SNX29: variants seen among roughly 807,000 people sequenced by gnomAD.
SNX29 encodes the protein sorting nexin-29.
In SNX29, 78 loss-of-function variants were observed where a neutral mutation model predicts 102.1. The ratio of observed to expected loss-of-function variants is 0.76; its 90% confidence interval spans 0.64 to 0.92. The LOEUF is 0.92. Ranked by LOEUF, SNX29 falls within the 40% of genes least tolerant of loss-of-function variation. The pLI, the probability that SNX29 is intolerant of heterozygous loss-of-function variation, is 0.00. For missense variants in SNX29, 1,280 were observed against 1,061.7 expected (o/e 1.21, Z -2.86); for synonymous variants, 580 against 414.5 (o/e 1.40, Z -4.85).
At chr16:12,387,961 CAGAG>C (rs1346278750) in intron 16 of SNX29, among the ~76,000 whole-genome samples, 1 of 152,162 alleles carries the variant, frequency 6.6e-6, no homozygotes, top group Non-Finnish European at 1.5e-5. Flanking sequence ...TAGCAGCAAA[CAGAG>C]AGCCTCTTCA....
chr16:12,228,085 G>A (rs562992458), intron 14 of SNX29, among the ~76,000 whole-genome samples: 1 of 152,180 alleles, frequency 6.6e-6, no homozygotes, highest in Non-Finnish European at 1.5e-5. Context: ...AGACCAGACT[G>A]GGCAACACAG....
chr16:12,539,324 C>T (rs985740180), intron 20 of SNX29, among the ~76,000 whole-genome samples: 2 of 151,738 alleles, frequency 1.3e-5, no homozygotes, highest in Non-Finnish European at 2.9e-5. Context: ...CTAGTTTTGT[C>T]TTTTCAAGAA....
intron 20 of SNX29, among the ~76,000 whole-genome samples, chr16:12,558,469 C>T (rs1025659970): frequency 2.0e-5 from 3 of 152,192 alleles, no homozygotes; most frequent in Non-Finnish European, 4.4e-5. Flanking sequence ...TAATGCCATC[C>T]TTTAAAGTTA....
At chr16:12,069,891 C>T (rs999862445) in intron 10 of SNX29, among the ~76,000 whole-genome samples, 17 of 151,108 alleles carry the variant, frequency 1.1e-4, no homozygotes, top group Non-Finnish European at 1.0e-4. Context: ...GGGGTTTCAC[C>T]GTGGTCTCGA....
chr16:12,342,187 T>A (rs553325792), intron 15 of SNX29, among the ~76,000 whole-genome samples: 1 of 152,338 alleles, frequency 6.6e-6, no homozygotes, highest in Admixed American at 6.5e-5. Context: ...GCGTATATCA[T>A]GGGGATATGA....
At chr16:12,240,012 T>C (rs2078053961) in intron 14 of SNX29, among the ~76,000 whole-genome samples, 1 of 152,260 alleles carries the variant, frequency 6.6e-6, no homozygotes, top group East Asian at 1.9e-4. Flanking sequence ...TTTAGATCAT[T>C]CTAGGTAAAT....
intron 18 of SNX29, among the ~76,000 whole-genome samples, chr16:12,465,319 C>T (rs1278120744): frequency 6.6e-6 from 1 of 152,214 alleles, no homozygotes; most frequent in African/African-American, 2.4e-5. Flanking sequence ...AGCTCATTCC[C>T]TATGTCTTCT....
rs753642452 is a variant in SNX29 at position 12,199,326 on chromosome 16, C to CA, written c.1596-274dup. Among the ~76,000 whole-genome samples, 103 of 152,296 alleles carry CA rather than the reference C, an allele frequency of 6.8e-4. No individual in the cohort carries two copies. The Middle Eastern group carries it at 0.01, about 15-fold the overall frequency. On this transcript the variant is annotated intron_variant, in intron 13 of 20. Transcript: ENST00000566228. ...TGGGTAGCTCCAAACAGCCTAAGCA[C>CA]AGCCTGTGTCTGTGTTCTGAATTTG...
rs182926270 is a variant in SNX29 at position 12,180,547 on chromosome 16, G to A, written c.1596-19054G>A. Reference sequence around the variant, plus strand: ...CGCCCAGGCTGGAGTGCAGTGGCGCGATCTCGGCTCACTGCAAGCTACGCC... The same window carrying A: ...CGCCCAGGCTGGAGTGCAGTGGCGCAATCTCGGCTCACTGCAAGCTACGCC... On this transcript the variant is annotated intron_variant, in intron 13 of 20. Coordinates refer to ENST00000566228, the MANE Select transcript of SNX29 (RefSeq NM_032167.5). Among the ~76,000 whole-genome samples, 1,114 of 151,822 alleles carry A rather than the reference G, an allele frequency of 7.3e-3. 7 individuals carry two copies. The highest frequency in any genetic ancestry group is 0.017 in the South Asian group (81 of 4,798).
At chr16:12,162,970 C>T (rs2055853728) in intron 13 of SNX29, among the ~76,000 whole-genome samples, 1 of 152,168 alleles carries the variant, frequency 6.6e-6, no homozygotes, top group Admixed American at 6.5e-5. Context: ...CAACCTCCGC[C>T]TCCAGGGTTT....
chr16:12,527,964 A>G (rs372837442), intron 20 of SNX29, among the ~76,000 whole-genome samples: 1,675 of 149,422 alleles, frequency 0.011, 42 homozygotes, highest in African/African-American at 0.04. Flanking sequence ...AGCTGGGACT[A>G]CATGTGCCCA....
At chr16:12,493,273 A>G (rs2088642752) in intron 19 of SNX29, among the ~76,000 whole-genome samples, 1 of 152,112 alleles carries the variant, frequency 6.6e-6, no homozygotes, top group Admixed American at 6.5e-5. Flanking sequence ...TTGGATTCCT[A>G]GGTATTTTAT....
chr16:12,404,396 G>A (rs1458763523), intron 18 of SNX29, among the ~76,000 whole-genome samples: 2 of 152,082 alleles, frequency 1.3e-5, no homozygotes, highest in Non-Finnish European at 2.9e-5. Flanking sequence ...TCGTCTGCAT[G>A]TCTGTCTTCC....
At chr16:12,206,384 C>CAAAAAAAAAAAA (rs59859762) in intron 14 of SNX29, among the ~76,000 whole-genome samples, 1 of 92,136 alleles carries the variant, frequency 1.1e-5, no homozygotes, top group Non-Finnish European at 2.1e-5. Context: ...AAATAGCTTT[C>CAAAAAAAAAAAA]AAAAAAAAAA....
At position 12,571,999 on chromosome 16, in the gene SNX29, G is replaced by A. The variant is rs573137326; in HGVS notation, c.*3370G>A. ...CCATCTTCACATCCAGTCACCAGTT[G>A]CATCTAGGGAGCTGCTGGCTATAAA... On this transcript the variant is annotated 3_prime_UTR_variant, in exon 21 of 21. Coordinates refer to ENST00000566228, the MANE Select transcript of SNX29 (RefSeq NM_032167.5). 8.5e-6 allele frequency: 9 copies of A among 1,062,396 alleles called. No homozygotes were observed. Among genetic ancestry groups the A allele is most frequent in the African/African-American group, 3.3e-5 (2 of 61,014 alleles). 65.8% of individuals were successfully genotyped at this position (1,062,396 alleles called of 1,614,324 possible).
chr16:12,560,981 G>A (rs1015075815), intron 20 of SNX29: 5 of 214,328 alleles, frequency 2.3e-5, no homozygotes, highest in Non-Finnish European at 2.8e-5. Context: ...GAACCCTTGG[G>A]TACTGCCAGA....
rs4781250 is a variant in SNX29, at chr16:12,541,676, C to T, written c.2318+16835C>T. Among the ~76,000 whole-genome samples, 937 of 152,304 alleles carry T rather than the reference C, an allele frequency of 6.2e-3. 7 individuals carry two copies. The highest frequency in any genetic ancestry group is 0.01 in the Middle Eastern group (3 of 294). On this transcript the variant is annotated intron_variant, in intron 20 of 20. Coordinates refer to ENST00000566228, the MANE Select transcript of SNX29 (RefSeq NM_032167.5). Reference sequence around the variant, plus strand: ...CTCCTAATGCAGCCGTGCTGACACCCGTTTACCACTACCCTGGGGCGGGAG... The same window carrying T: ...CTCCTAATGCAGCCGTGCTGACACCTGTTTACCACTACCCTGGGGCGGGAG...
At chr16:12,094,994 T>G (rs1167625942) in intron 11 of SNX29, 2 of 152,140 alleles carry the variant, frequency 1.3e-5, no homozygotes, top group Non-Finnish European at 2.9e-5. Flanking sequence ...TGTGTATGTT[T>G]GGGAGCTTTT....
At chr16:12,386,862 C>T (rs756013374) in intron 16 of SNX29, among the ~76,000 whole-genome samples, 14 of 150,540 alleles carry the variant, frequency 9.3e-5, no homozygotes, top group Non-Finnish European at 1.6e-4. Flanking sequence ...TGGTGACTCA[C>T]GCCTGTAATC....
Sources: allele counts gnomAD v4.1 joint callset (sites outside exome capture counted in the v4.1 genomes callset), GRCh38; gene constraint gnomAD v4.1.1; transcripts MANE v1.5; gene names NCBI Gene and HGNC (gene_info 2026-07-23, HGNC 2026-07-21).